Variants in DPP10 observed in about 807,000 individuals in gnomAD.
DPP10 encodes dipeptidyl peptidase like 10, also known as inactive dipeptidyl peptidase 10.
DPP10 carries 33 observed loss-of-function variants against 120.9 expected under a neutral mutation model. That is an observed-to-expected ratio of 0.27 (90% CI 0.21 to 0.37). DPP10 has a LOEUF of 0.37. Ranked by LOEUF, DPP10 falls within the 10% of genes least tolerant of loss-of-function variation. The pLI, the probability that DPP10 is intolerant of heterozygous loss-of-function variation, is 1.00. For synonymous variants in DPP10, 337 were observed against 326.1 expected (o/e 1.03, Z -0.36); for missense variants, 816 against 942.8 (o/e 0.87, Z 1.76).
At chr2:115,512,196 G>T (rs2077269162) in intron 4 of DPP10, among the ~76,000 whole-genome samples, 1 of 151,936 alleles carries the variant, frequency 6.6e-6, no homozygotes, top group Admixed American at 6.6e-5. Flanking sequence ...AATCTCCCAG[G>T]CTTAAGCAAC....
At chr2:114,689,692 C>G (rs1573972859) in intron 1 of DPP10, among the ~76,000 whole-genome samples, 1 of 152,174 alleles carries the variant, frequency 6.6e-6, no homozygotes, top group East Asian at 1.9e-4. Context: ...AATTTACACT[C>G]CCACCAACAG....
At chr2:115,791,704 AATGGGTT>A (rs1448543713) in intron 19 of DPP10, among the ~76,000 whole-genome samples, 1 of 152,202 alleles carries the variant, frequency 6.6e-6, no homozygotes, top group African/African-American at 2.4e-5. Flanking sequence ...CTGCTAAAAC[AATGGGTT>A]ATGTTTGTAT....
rs558933921 is a variant in DPP10, at chr2:115,662,704, C to T, written c.442-26983C>T. Reference sequence around the variant, plus strand: ...TTGGTAGAAATGTAAATTGTTACACCCAGTATCTTTTTTAATACACTCCCT... The same window carrying T: ...TTGGTAGAAATGTAAATTGTTACACTCAGTATCTTTTTTAATACACTCCCT... On this transcript the variant is annotated intron_variant, in intron 5 of 25. Transcript: ENST00000410059. Among the ~76,000 whole-genome samples, 5 of 152,034 alleles carry T rather than the reference C, an allele frequency of 3.3e-5. No individual in the cohort carries two copies. The South Asian group carries it at 8.3e-4, about 25-fold the overall frequency.
chr2:115,380,498 C>G (rs983535323), intron 3 of DPP10, among the ~76,000 whole-genome samples: 16 of 152,120 alleles, frequency 1.1e-4, no homozygotes, highest in African/African-American at 3.1e-4. Flanking sequence ...GGTCTTGACT[C>G]TTTATCCAGT....
Position 115,244,235 on chromosome 2 carries a change from TATATAG to T in DPP10, c.61-65002_61-64997del, listed in dbSNP as rs1360285573. ...GTGTGTGTATATATATATATATATATATATAGAGAGAGAGAGAGAGAGAGAGAGAGA... is the reference window on the plus strand; with the variant it reads ...GTGTGTGTATATATATATATATATATAGAGAGAGAGAGAGAGAGAGAGAGA... On this transcript the variant is annotated intron_variant, in intron 1 of 25. Transcript: ENST00000410059. Among the ~76,000 whole-genome samples the T allele has an allele frequency of 6.3e-3, 341 of 54,024 alleles. 3 individuals carry two copies. The highest frequency in any genetic ancestry group is 0.022 in the African/African-American group (257 of 11,704). The allele number at this position is 54,024 out of a possible 152,430, so 35.4% of individuals were successfully genotyped here. A position where few individuals can be genotyped will look rare whatever the true frequency, so the allele number is the denominator to read the frequency against.
chr2:114,556,555 A>G (rs1688330961), intron 1 of DPP10, among the ~76,000 whole-genome samples: 1 of 152,022 alleles, frequency 6.6e-6, no homozygotes, highest in Non-Finnish European at 1.5e-5. Context: ...ACAGTATGCA[A>G]ATGAGGATGT....
intron 5 of DPP10, among the ~76,000 whole-genome samples, chr2:115,564,752 T>G (rs6542268): frequency 1.8e-4 from 28 of 152,206 alleles, no homozygotes; most frequent in African/African-American, 6.5e-4. Flanking sequence ...AGCAGTGTTT[T>G]CCACATTAAA....
At chr2:115,182,370 T>C (rs1215432194) in intron 1 of DPP10, among the ~76,000 whole-genome samples, 1 of 152,228 alleles carries the variant, frequency 6.6e-6, no homozygotes, top group Admixed American at 6.5e-5. Context: ...CTTGATGTTG[T>C]CACATTTCAG....
intron 1 of DPP10, among the ~76,000 whole-genome samples, chr2:115,043,032 G>T (rs11694256): frequency 0.34 from 52,288 of 151,982 alleles, 9,418 homozygotes; most frequent in South Asian, 0.52. Flanking sequence ...GCCAAAATCT[G>T]TAGCCCAGAG....
At chr2:114,910,264 T>G (rs1694270645) in intron 1 of DPP10, among the ~76,000 whole-genome samples, 1 of 151,984 alleles carries the variant, frequency 6.6e-6, no homozygotes, top group South Asian at 2.1e-4. Context: ...AAGGTTATTT[T>G]ATTTCTTCTA....
chr2:115,814,818 G>A lies in DPP10; in HGVS notation c.1726G>A (p.Val576Ile), dbSNP rs1373312854. The A allele has an allele frequency of 6.4e-7, 1 of 1,564,250 alleles. No individual in the cohort carries two copies. The highest frequency in any genetic ancestry group is 8.7e-7 in the Non-Finnish European group (1 of 1,144,272). The change falls in exon 20 of 26, where the codon GTT becomes ATT. Residue 576 changes from valine to isoleucine, a missense_variant. Transcript: ENST00000410059. ...IMDEEPGGQL[V>I]TDKFHIDWDS... The stretch of plus-strand genomic sequence containing the variant: ...GGATGAAGAACCAGGAGGCCAGCTG[G>A]TTACAGATAAGTTCCATATTGACTG...
At chr2:114,772,896 T>C (rs746912934) in intron 1 of DPP10, among the ~76,000 whole-genome samples, 44 of 152,218 alleles carry the variant, frequency 2.9e-4, no homozygotes, top group Middle Eastern at 3.2e-3. Context: ...CAGCAGATAC[T>C]TAAGTAATGA....
intron 1 of DPP10, among the ~76,000 whole-genome samples, chr2:114,874,482 G>A (rs1690983341): frequency 6.6e-6 from 1 of 151,912 alleles, no homozygotes; most frequent in Admixed American, 6.6e-5. Flanking sequence ...CTGGACATAA[G>A]CAACATAAGC....
intron 1 of DPP10, among the ~76,000 whole-genome samples, chr2:114,751,647 A>G (rs905854500): frequency 9.2e-5 from 14 of 152,378 alleles, no homozygotes; most frequent in Middle Eastern, 3.4e-3. Flanking sequence ...ATGAGCTAGC[A>G]GAAGGTTAAC....
At chr2:115,480,037 G>T (rs2075332315) in intron 3 of DPP10, among the ~76,000 whole-genome samples, 1 of 152,072 alleles carries the variant, frequency 6.6e-6, no homozygotes. Flanking sequence ...TAGCCTCTGG[G>T]TGCTGCAGGC....
intron 3 of DPP10, among the ~76,000 whole-genome samples, chr2:115,418,859 C>T (rs184913345): frequency 3.9e-5 from 6 of 152,074 alleles, no homozygotes; most frequent in Non-Finnish European, 2.9e-5. Context: ...ATAAAATTTA[C>T]AAAGCAGGCC....
chr2:114,639,668 A>C (rs1695562871), intron 1 of DPP10, among the ~76,000 whole-genome samples: 1 of 151,964 alleles, frequency 6.6e-6, no homozygotes, highest in East Asian at 1.9e-4. Context: ...AATTATATTA[A>C]AAATTATTTC....
chr2:114,697,483 G>C (rs1309847558), intron 1 of DPP10, among the ~76,000 whole-genome samples: 1 of 151,946 alleles, frequency 6.6e-6, no homozygotes, highest in Non-Finnish European at 1.5e-5. Context: ...GGGCACAGTG[G>C]CTCATGTCTG....
intron 1 of DPP10, among the ~76,000 whole-genome samples, chr2:114,786,069 A>T (rs1009593023): frequency 2.0e-5 from 3 of 152,216 alleles, no homozygotes; most frequent in African/African-American, 7.2e-5. Context: ...TATTTGGAGA[A>T]CAAGAGCAGC....
Sources: allele counts gnomAD v4.1 joint callset (sites outside exome capture counted in the v4.1 genomes callset), GRCh38; gene constraint gnomAD v4.1.1; transcripts MANE v1.5; gene names NCBI Gene and HGNC (gene_info 2026-07-23, HGNC 2026-07-21).